The following FHIT variants were observed in gnomAD, a reference collection of about 807,000 sequenced individuals.
The protein encoded by FHIT is bis(5'-adenosyl)-triphosphatase.
A neutral mutation model predicts 17.9 loss-of-function variants in FHIT; 19 were observed. That is an observed-to-expected ratio of 1.06 (90% CI 0.74 to 1.56). The LOEUF (loss-of-function observed/expected upper bound fraction) is 1.56. Among genes scored for constraint, FHIT ranks in the 40% most tolerant of loss-of-function variants. FHIT has a pLI of 0.00. For synonymous variants in FHIT, 81 were observed against 69.7 expected, an observed-to-expected ratio of 1.16 and a Z score of -0.81; for missense variants, 248 against 189.2, an observed-to-expected ratio of 1.31 and a Z score of -1.82.
chr3:60,699,207 T>C (rs1319847277), intron 4 of FHIT, among the ~76,000 whole-genome samples: 1 of 152,298 alleles, frequency 6.6e-6, no homozygotes, highest in African/African-American at 2.4e-5. Context: ...GTAAACAAAA[T>C]TGAAATGAGC....
chr3:60,522,857 A>T (rs925911995), intron 5 of FHIT, among the ~76,000 whole-genome samples: 15 of 152,150 alleles, frequency 9.9e-5, no homozygotes, highest in African/African-American at 3.4e-4. Flanking sequence ...TTTGTGACCC[A>T]TCTGTTTTTG....
At chr3:59,904,312 T>A (rs1481531361) in intron 8 of FHIT, among the ~76,000 whole-genome samples, 10 of 119,440 alleles carry the variant, frequency 8.4e-5, no homozygotes, top group East Asian at 2.3e-4. Flanking sequence ...AAGAGGAAAC[T>A]AATTAAAAAA....
chr3:60,750,878 G>A (rs80331999), intron 4 of FHIT, among the ~76,000 whole-genome samples: 7,020 of 152,114 alleles, frequency 0.046, 514 homozygotes, highest in African/African-American at 0.16. Flanking sequence ...CAGACAAGCC[G>A]ACTTCATCCT....
At chr3:60,410,700 A>G (rs988819160) in intron 5 of FHIT, among the ~76,000 whole-genome samples, 3 of 152,180 alleles carry the variant, frequency 2.0e-5, no homozygotes, top group South Asian at 2.1e-4. Context: ...TTTTAAAAAT[A>G]TAAGAGATTA....
At chr3:60,643,541 CT>C (rs1553685962) in intron 4 of FHIT, among the ~76,000 whole-genome samples, 1 of 152,120 alleles carries the variant, frequency 6.6e-6, no homozygotes, top group Non-Finnish European at 1.5e-5. Flanking sequence ...AAGCTAAATC[CT>C]ACATCTAGAT....
At chr3:61,187,819 T>G (rs2038569204) in intron 2 of FHIT, among the ~76,000 whole-genome samples, 1 of 152,174 alleles carries the variant, frequency 6.6e-6, no homozygotes, top group African/African-American at 2.4e-5. Flanking sequence ...AACAACCTGC[T>G]CCTGAGTGAC....
Position 61,200,954 on chromosome 3 carries a change from T to C in FHIT, c.-212-289A>G, listed in dbSNP as rs77001996. ...TCCTCAACAGAATGGGAACGGCTTA[T>C]AGCGAGATGAAAATCAAATTAAACA... On this transcript the variant is annotated intron_variant, in intron 1 of 9. Transcript: ENST00000492590. Among the ~76,000 whole-genome samples the C allele has an allele frequency of 6.1e-3, 923 of 152,104 alleles. 10 individuals are homozygous for C. The highest frequency in any genetic ancestry group is 0.021 in the African/African-American group (889 of 41,478).
chr3:60,372,052 T>C (rs539657947), intron 5 of FHIT, among the ~76,000 whole-genome samples: 1 of 152,314 alleles, frequency 6.6e-6, no homozygotes, highest in South Asian at 2.1e-4. Flanking sequence ...GGCATTTTCA[T>C]TACATACATC....
At chr3:60,617,760 A>C (rs1220289412) in intron 4 of FHIT, 1 of 154,148 alleles carries the variant, frequency 6.5e-6, no homozygotes, top group East Asian at 1.9e-4. Flanking sequence ...AAAGTTATCC[A>C]GATGTGATCT....
intron 4 of FHIT, among the ~76,000 whole-genome samples, chr3:60,805,162 C>T (rs1553733567): frequency 6.6e-6 from 1 of 152,024 alleles, no homozygotes; most frequent in African/African-American, 2.4e-5. Flanking sequence ...TTGCTTTGGC[C>T]CAAATTAAGA....
At chr3:60,139,921 C>A (rs1017432340) in intron 5 of FHIT, among the ~76,000 whole-genome samples, 2 of 151,762 alleles carry the variant, frequency 1.3e-5, no homozygotes, top group African/African-American at 4.8e-5. Context: ...CAGGAGTTCA[C>A]GACCAGCCTG....
intron 5 of FHIT, among the ~76,000 whole-genome samples, chr3:60,186,326 A>C (rs1345784342): frequency 1.3e-5 from 2 of 152,066 alleles, no homozygotes; most frequent in South Asian, 2.1e-4. Flanking sequence ...GCTTAAGTTC[A>C]TATTTTTACA....
At chr3:59,767,198 T>C (rs1701842044) in intron 8 of FHIT, among the ~76,000 whole-genome samples, 1 of 152,114 alleles carries the variant, frequency 6.6e-6, no homozygotes, top group Non-Finnish European at 1.5e-5. Context: ...AATACTACTC[T>C]ATGAAAAATG....
At chr3:60,138,675 G>C (rs1334046861) in intron 5 of FHIT, among the ~76,000 whole-genome samples, 1 of 152,026 alleles carries the variant, frequency 6.6e-6, no homozygotes, top group African/African-American at 2.4e-5. Context: ...TTTTCAGGCA[G>C]GGTTGAGCTT....
intron 7 of FHIT, among the ~76,000 whole-genome samples, chr3:59,930,793 CA>C (rs1268891073): frequency 1.3e-5 from 2 of 151,980 alleles, no homozygotes; most frequent in Non-Finnish European, 2.9e-5. Context: ...TTTAGAAGAC[CA>C]ATAACAAAGC....
chr3:59,782,341 T>C (rs1427827855), intron 8 of FHIT, among the ~76,000 whole-genome samples: 6 of 152,154 alleles, frequency 3.9e-5, no homozygotes, highest in Non-Finnish European at 5.9e-5. Flanking sequence ...GTAATAAAGA[T>C]AGAGTTATTT....
chr3:60,511,361 A>G lies in FHIT; in HGVS notation c.103+25499T>C, dbSNP rs1292799535. Reference sequence around the variant, plus strand: ...CACCCTTCAGAATGTCTCCTTCTACACAGACAAACATCGCTTTATGTGTTT... The same window carrying G: ...CACCCTTCAGAATGTCTCCTTCTACGCAGACAAACATCGCTTTATGTGTTT... On this transcript the variant is annotated intron_variant, in intron 5 of 9. Coordinates refer to ENST00000492590, the MANE Select transcript of FHIT (RefSeq NM_002012.4). Among the ~76,000 whole-genome samples the G allele has an allele frequency of 2.6e-5, 4 of 152,152 alleles. No individual in the cohort carries two copies. In the East Asian group the frequency reaches 7.7e-4, roughly 29 times the overall value.
intron 4 of FHIT, among the ~76,000 whole-genome samples, chr3:60,559,464 C>A (rs2107640289): frequency 6.6e-6 from 1 of 152,184 alleles, no homozygotes; most frequent in East Asian, 1.9e-4. Context: ...CTGAGATGTC[C>A]CCTCTTGCCT....
chr3:60,456,913 G>A (rs1368966819), intron 5 of FHIT, among the ~76,000 whole-genome samples: 2 of 152,112 alleles, frequency 1.3e-5, no homozygotes, highest in African/African-American at 2.4e-5. Flanking sequence ...ACAAACCACT[G>A]CTCAATGAAA....
Sources: gnomAD v4.1 joint callset for allele counts (sites outside exome capture counted in the v4.1 genomes callset) on GRCh38, gnomAD v4.1.1 for gene constraint, MANE v1.5 for transcripts, NCBI Gene and HGNC (gene_info 2026-07-23, HGNC 2026-07-21) for gene names.